Variants in ZNF391 observed in about 807,000 individuals in gnomAD.
The protein encoded by ZNF391 is zinc finger protein 391.
For missense variants in ZNF391, 375 were observed against 425.5 expected (o/e 0.88, Z 1.04); for synonymous variants, 126 against 142.1 (o/e 0.89, Z 0.80).
chr6:27,391,769 A>G (rs1761719862), intron 1 of ZNF391, among the ~76,000 whole-genome samples: 2 of 152,216 alleles, frequency 1.3e-5, no homozygotes, highest in South Asian at 2.1e-4. Flanking sequence ...AAATTTTGCC[A>G]AGGGGACTAT....
rs1047657648 is a variant in ZNF391 at position 27,402,276 on chromosome 6, T to C, written c.*829T>C. ...TCATTTACAGATTTCATGAAACTTA[T>C]ATTCTGTGGCTTTGACCCTCACCAA... On this transcript the variant is annotated 3_prime_UTR_variant, in exon 3 of 3. Transcript: ENST00000244576. 2.6e-5 allele frequency: 4 copies of C among 152,190 alleles called. No homozygotes were observed. The highest frequency in any genetic ancestry group is 2.6e-4 in the Admixed American group (4 of 15,278). The allele number at this position is 152,190 out of a possible 1,614,324, so 9.4% of individuals were successfully genotyped here. A position where few individuals can be genotyped will look rare whatever the true frequency, so the allele number is the denominator to read the frequency against.
chr6:27,382,101 G>A (rs1277015421), intron 1 of ZNF391, among the ~76,000 whole-genome samples: 1 of 148,516 alleles, frequency 6.7e-6, no homozygotes, highest in Admixed American at 6.8e-5. Context: ...GGAGGCCAAG[G>A]CAAGCAGATC....
At position 27,400,382 on chromosome 6, in the gene ZNF391, CAG is replaced by C. The variant is rs1761920717; in HGVS notation, c.15_16del (p.Gly6GlufsTer9). On this transcript the variant is annotated frameshift_variant, in exon 3 of 3. Transcript: ENST00000244576. LOFTEE classifies it low-confidence loss of function (END_TRUNC). MESL[R>X]GNTAQGPTNE... ...TTTCTGGGTCAGCAATGGAAAGCCT[CAG>C]AGGGAATACTGCTCAGGGTCCTACA... is the stretch of plus-strand genomic sequence containing the variant. The C allele has an allele frequency of 6.2e-7, 1 of 1,600,720 alleles. No homozygotes were observed.
intron 1 of ZNF391, among the ~76,000 whole-genome samples, chr6:27,394,311 G>A (rs1234548787): frequency 1.3e-5 from 2 of 152,344 alleles, no homozygotes; most frequent in East Asian, 3.9e-4. Context: ...ACCACTCCAG[G>A]AGGCTGCTCC....
intron 1 of ZNF391, among the ~76,000 whole-genome samples, chr6:27,390,189 T>C (rs1761673187): frequency 6.6e-6 from 1 of 151,724 alleles, no homozygotes. Flanking sequence ...CTGAAGGGGG[T>C]AGAAAATAAA....
exon 1 of ZNF391, chr6:27,375,014 GAGCCTCC>G (rs1353059566): frequency 6.6e-6 from 1 of 152,362 alleles, no homozygotes; most frequent in Non-Finnish European, 1.5e-5. Context: ...GTATAAAAGA[GAGCCTCC>G]ACTCCCACCT....
intron 1 of ZNF391, among the ~76,000 whole-genome samples, chr6:27,399,140 G>A (rs1233274082): frequency 6.6e-6 from 1 of 152,142 alleles, no homozygotes; most frequent in Non-Finnish European, 1.5e-5. Context: ...AAATACAAAT[G>A]CCTGGGTCCC....
intron 1 of ZNF391, among the ~76,000 whole-genome samples, chr6:27,378,129 G>A (rs2113635605): frequency 6.6e-6 from 1 of 152,246 alleles, no homozygotes; most frequent in Non-Finnish European, 1.5e-5. Context: ...TTTAATTGAT[G>A]TATAACTTTG....
At chr6:27,393,518 A>G (rs775799874) in intron 1 of ZNF391, among the ~76,000 whole-genome samples, 8 of 152,218 alleles carry the variant, frequency 5.3e-5, no homozygotes, top group Non-Finnish European at 1.2e-4. Flanking sequence ...TAAATTACCC[A>G]GCCTCAAGTA....
Position 27,401,220 on chromosome 6 carries a change from A to G in ZNF391, c.850A>G (p.Lys284Glu), listed in dbSNP as rs528489804. 8.1e-6 allele frequency: 13 copies of G among 1,614,218 alleles called. No homozygotes were observed. In the South Asian group the frequency reaches 1.4e-4, roughly 18 times the overall value. ...ENPYECSECG[K>E]VFSRSSSLTE... is the part of the protein sequence containing the mutation. Reference sequence around the variant, plus strand: ...CCCCTATGAGTGCAGTGAATGTGGGAAAGTGTTCAGTCGAAGCTCGTCTCT... The same window carrying G: ...CCCCTATGAGTGCAGTGAATGTGGGGAAGTGTTCAGTCGAAGCTCGTCTCT... Residue 284 changes from lysine to glutamate, a missense_variant, in exon 3 of 3, where the codon AAA (lysine) becomes GAA (glutamate). Coordinates refer to ENST00000244576, the MANE Select transcript of ZNF391 (RefSeq NM_001076781.3).
chr6:27,393,051 A>G (rs990982470), intron 1 of ZNF391, among the ~76,000 whole-genome samples: 6 of 152,208 alleles, frequency 3.9e-5, no homozygotes, highest in African/African-American at 1.4e-4. Flanking sequence ...AAGTTTCCCT[A>G]GTGGAGTTTG....
At position 27,400,778 on chromosome 6, in the gene ZNF391, T is replaced by C. The variant is rs750060809; in HGVS notation, c.408T>C (p.Pro136=). ...GTAGAATTCATGGTGGAGAAAAGCC[T>C]TTTGAATGCAACAAATGTGGGAAAT... ...VHSRIHGGEK[P]FECNKCGKSF... The change falls in exon 3 of 3, where the codon CCT becomes CCC. Residue 136 remains proline, a synonymous_variant. Coordinates refer to ENST00000244576, the MANE Select transcript of ZNF391 (RefSeq NM_001076781.3). 4.3e-6 allele frequency: 7 copies of C among 1,614,222 alleles called. No individual in the cohort carries two copies. In the South Asian group the frequency reaches 7.7e-5, roughly 18 times the overall value.
intron 1 of ZNF391, among the ~76,000 whole-genome samples, chr6:27,380,750 G>T (rs1761487861): frequency 1.4e-5 from 2 of 148,000 alleles, no homozygotes; most frequent in African/African-American, 5.0e-5. Flanking sequence ...TTGACACAAA[G>T]GTTCTCCACG....
intron 1 of ZNF391, among the ~76,000 whole-genome samples, chr6:27,377,898 G>A (rs1350215872): frequency 6.6e-6 from 1 of 152,120 alleles, no homozygotes. Context: ...AGCAAGAGAT[G>A]GAAAAATATA....
intron 1 of ZNF391, among the ~76,000 whole-genome samples, chr6:27,378,213 G>A (rs911879701): frequency 6.6e-6 from 1 of 152,114 alleles, no homozygotes; most frequent in Non-Finnish European, 1.5e-5. Context: ...TAGAACATTT[G>A]TTTCTTCCCA....
At chr6:27,395,877 A>G (rs1761813387) in intron 1 of ZNF391, among the ~76,000 whole-genome samples, 1 of 152,200 alleles carries the variant, frequency 6.6e-6, no homozygotes, top group African/African-American at 2.4e-5. Flanking sequence ...GGGATATAGT[A>G]TTTAATAATG....
At chr6:27,381,429 C>T (rs1177599348) in intron 1 of ZNF391, among the ~76,000 whole-genome samples, 4 of 152,250 alleles carry the variant, frequency 2.6e-5, no homozygotes, top group Non-Finnish European at 4.4e-5. Context: ...AGTTCCCGCT[C>T]GCGCTTCTCC....
At chr6:27,394,025 A>G (rs1761769905) in intron 1 of ZNF391, among the ~76,000 whole-genome samples, 1 of 152,202 alleles carries the variant, frequency 6.6e-6, no homozygotes, top group African/African-American at 2.4e-5. Flanking sequence ...TGGAAGTTAT[A>G]TTTAAAGGGG....
At position 27,403,155 on chromosome 6, in the gene ZNF391, A is replaced by T. The variant is rs1762013153; in HGVS notation, c.*1708A>T. On this transcript the variant is annotated 3_prime_UTR_variant, in exon 3 of 3. Coordinates refer to ENST00000244576, the MANE Select transcript of ZNF391 (RefSeq NM_001076781.3). ...TAAACTACTACTTTGTTAAAAAAAA[A>T]TAGTCGTTTCCCAGTGACCTCTGCC... 6.6e-6 allele frequency: 1 copy of T among 151,680 alleles called. No homozygotes were observed. The highest frequency in any genetic ancestry group is 6.6e-5 in the Admixed American group (1 of 15,202). The allele number at this position is 151,680 out of a possible 1,614,324, so 9.4% of individuals were successfully genotyped here.
Sources: allele counts gnomAD v4.1 joint callset (sites outside exome capture counted in the v4.1 genomes callset), GRCh38; gene constraint gnomAD v4.1.1; transcripts MANE v1.5; gene names NCBI Gene and HGNC (gene_info 2026-07-23, HGNC 2026-07-21).